The following ADAMTS9 variants were observed in gnomAD, a reference collection of about 807,000 sequenced individuals.
The protein encoded by ADAMTS9 is ADAM metallopeptidase with thrombospondin type 1 motif 9, also known as A disintegrin and metalloproteinase with thrombospondin motifs 9.
ADAMTS9 carries 107 observed loss-of-function variants against 257.1 expected under a neutral mutation model. That is an observed-to-expected ratio of 0.42 (90% CI 0.36 to 0.49). The LOEUF is 0.49. ADAMTS9 is among the 20% of genes least tolerant of loss of function. The pLI, the probability that ADAMTS9 is intolerant of heterozygous loss-of-function variation, is 0.03. For missense variants in ADAMTS9, 2,353 were observed against 2,469.1 expected, an observed-to-expected ratio of 0.95 and a Z score of 1.00; for synonymous variants, 982 against 880.9, an observed-to-expected ratio of 1.11 and a Z score of -2.03.
At chr3:64,627,422 A>G (rs1298689928) in intron 16 of ADAMTS9, among the ~76,000 whole-genome samples, 1 of 152,154 alleles carries the variant, frequency 6.6e-6, no homozygotes, top group East Asian at 1.9e-4. Flanking sequence ...CACTGCATCG[A>G]TTCCCATCTT....
chr3:64,575,918 AG>A (rs1425166637), intron 28 of ADAMTS9, among the ~76,000 whole-genome samples: 1 of 152,200 alleles, frequency 6.6e-6, no homozygotes, highest in Non-Finnish European at 1.5e-5. Flanking sequence ...GAAGTTTAAA[AG>A]GTGAGTTTAA....
intron 28 of ADAMTS9, among the ~76,000 whole-genome samples, chr3:64,586,526 G>A (rs1273016254): frequency 6.6e-6 from 1 of 152,060 alleles, no homozygotes; most frequent in Non-Finnish European, 1.5e-5. Context: ...CAGACCATCT[G>A]TCAGATTATA....
In ADAMTS9 at chr3:64,631,541, G is replaced by A. The variant is rs1276664561; in HGVS notation, c.2303C>T (p.Thr768Ile). ...TFNTVHYGYN[T>I]VVRIPAGATN... is the part of the protein sequence containing the mutation. ...AGCACCAGCTGGAATTCGGACCACA[G>A]TATTGTAACCTGAAAAGAATTTAGC... is the stretch of plus-strand genomic sequence containing the variant. Residue 768 changes from threonine to isoleucine, a missense_variant, in exon 16 of 40, where the codon ACT becomes ATT. Thr to Ile is a moderately conservative substitution (Grantham distance 89). This residue lies in a region of ADAMTS9 where 360 missense variants were observed against 458.1 expected (regional missense o/e 0.79). Coordinates refer to ENST00000498707, the MANE Select transcript of ADAMTS9 (RefSeq NM_182920.2). The A allele has an allele frequency of 1.9e-6, 3 of 1,613,630 alleles. No individual in the cohort carries two copies. The African/African-American group carries it at 4.0e-5, about 22-fold the overall frequency.
At chr3:64,628,809 G>T (rs182625510) in intron 16 of ADAMTS9, among the ~76,000 whole-genome samples, 4 of 152,252 alleles carry the variant, frequency 2.6e-5, no homozygotes, top group Admixed American at 2.6e-4. Context: ...CATTGACAAC[G>T]GCTGTTCAAC....
At chr3:64,666,931 G>A (rs1358363119) in intron 3 of ADAMTS9, among the ~76,000 whole-genome samples, 3 of 152,298 alleles carry the variant, frequency 2.0e-5, no homozygotes, top group East Asian at 3.9e-4. Context: ...AGGAATGCCT[G>A]AGGCTAGGAG....
chr3:64,597,325 G>A (rs1267551783), intron 26 of ADAMTS9, among the ~76,000 whole-genome samples: 1 of 152,188 alleles, frequency 6.6e-6, no homozygotes, highest in Non-Finnish European at 1.5e-5. Context: ...CAGAGGTGTT[G>A]ATGGACACGA....
At chr3:64,524,363 T>C (rs1363981588) in intron 38 of ADAMTS9, among the ~76,000 whole-genome samples, 2 of 152,236 alleles carry the variant, frequency 1.3e-5, no homozygotes, top group Admixed American at 1.3e-4. Context: ...TGCCAAGCCA[T>C]GAATATGCTT....
intron 29 of ADAMTS9, 65 bp downstream of exon 29, chr3:64,568,303 C>T (rs2083591251): frequency 6.5e-7 from 1 of 1,531,558 alleles, no homozygotes; most frequent in Non-Finnish European, 8.8e-7. Flanking sequence ...CACAAGTGAA[C>T]ACACTGGGGT....
intron 38 of ADAMTS9, among the ~76,000 whole-genome samples, chr3:64,532,161 T>C (rs1412253129): frequency 1.3e-5 from 2 of 152,174 alleles, no homozygotes; most frequent in African/African-American, 4.8e-5. Context: ...GCTCCTCAGT[T>C]TACAATGGGG....
At chr3:64,658,430 ACT>A in intron 4 of ADAMTS9, 70 bp downstream of exon 4, 1 of 1,464,056 alleles carries the variant, frequency 6.8e-7, no homozygotes, top group Non-Finnish European at 9.3e-7. Flanking sequence ...CCTCCAAAGC[ACT>A]GAGTGGAAAC....
At chr3:64,620,667 C>CT (rs1353471675) in intron 19 of ADAMTS9, among the ~76,000 whole-genome samples, 4 of 152,086 alleles carry the variant, frequency 2.6e-5, no homozygotes, top group Non-Finnish European at 5.9e-5. Flanking sequence ...TTCCATGACG[C>CT]TACCTTAGTG....
chr3:64,601,814 A>C, intron 26 of ADAMTS9, 130 bp downstream of exon 26: 1 of 1,153,824 alleles, frequency 8.7e-7, no homozygotes, highest in Non-Finnish European at 1.2e-6. Context: ...AGTTACTCAA[A>C]GCAAATGAAA....
chr3:64,543,602 T>G (rs534861855), intron 32 of ADAMTS9, among the ~76,000 whole-genome samples: 8 of 152,202 alleles, frequency 5.3e-5, no homozygotes, highest in Non-Finnish European at 1.2e-4. Context: ...AAATTAGGTA[T>G]TGATGGGACA....
intron 3 of ADAMTS9, among the ~76,000 whole-genome samples, chr3:64,661,974 C>T (rs982968491): frequency 2.0e-5 from 3 of 151,586 alleles, no homozygotes; most frequent in Non-Finnish European, 4.4e-5. Context: ...TTAGTTTTAA[C>T]TTGCTCTTTT....
chr3:64,581,797 T>C (rs1021369437), intron 28 of ADAMTS9, among the ~76,000 whole-genome samples: 7 of 152,250 alleles, frequency 4.6e-5, no homozygotes, highest in African/African-American at 1.7e-4. Context: ...TGTTCTTTAA[T>C]ACATATTTCT....
intron 29 of ADAMTS9, among the ~76,000 whole-genome samples, chr3:64,563,819 T>A (rs952916932): frequency 2.6e-5 from 4 of 152,264 alleles, no homozygotes; most frequent in Non-Finnish European, 5.9e-5. Flanking sequence ...CCTGCCTTTC[T>A]GAATAATGCA....
intron 32 of ADAMTS9, among the ~76,000 whole-genome samples, chr3:64,544,574 A>C (rs2083172021): frequency 1.3e-5 from 2 of 152,246 alleles, no homozygotes; most frequent in African/African-American, 4.8e-5. Context: ...TAGAAAGCTG[A>C]AACTGGATCC....
chr3:64,620,815 A>G (rs148289573), intron 19 of ADAMTS9, among the ~76,000 whole-genome samples: 127 of 152,270 alleles, frequency 8.3e-4, no homozygotes, highest in African/African-American at 2.9e-3. Flanking sequence ...TTCACGTACA[A>G]TGTGACTCAA....
chr3:64,577,660 T>C (rs952052892), intron 28 of ADAMTS9, among the ~76,000 whole-genome samples: 2 of 152,158 alleles, frequency 1.3e-5, no homozygotes, highest in Non-Finnish European at 2.9e-5. Context: ...TACCTGGAGA[T>C]GTCAGTCTGC....
Sources: gnomAD v4.1 joint callset for allele counts (sites outside exome capture counted in the v4.1 genomes callset) on GRCh38, gnomAD v4.1.1 for gene constraint, gnomAD v4.1.1 regional missense constraint, MANE v1.5 for transcripts, NCBI Gene and HGNC (gene_info 2026-07-23, HGNC 2026-07-21) for gene names.